The following TAFA2 variants were observed in gnomAD, a reference collection of about 807,000 sequenced individuals.
TAFA2 encodes TAFA chemokine like family member 2.
In TAFA2, 7 loss-of-function variants were observed where a neutral mutation model predicts 18.8. The observed-to-expected ratio is 0.37, with a 90% CI of 0.21 to 0.70. The LOEUF is 0.70. Among genes scored for constraint, TAFA2 ranks in the 30% least tolerant of loss-of-function variants. The probability of loss-of-function intolerance (pLI) is 0.53; values close to 1 mark genes in which losing one functional copy is unlikely to be tolerated. For synonymous variants in TAFA2, 60 were observed against 54.2 expected, an observed-to-expected ratio of 1.11 and a Z score of -0.47; for missense variants, 122 against 158.1, an observed-to-expected ratio of 0.77 and a Z score of 1.23.
intron 1 of TAFA2, among the ~76,000 whole-genome samples, chr12:61,986,888 A>G (rs576844976): frequency 4.6e-5 from 7 of 152,304 alleles, no homozygotes; most frequent in Admixed American, 3.9e-4. Context: ...TGGGGAGAAG[A>G]CAAGTAGACC....
chr12:62,041,180 T>C (rs931936625), intron 1 of TAFA2, among the ~76,000 whole-genome samples: 4 of 152,330 alleles, frequency 2.6e-5, no homozygotes, highest in Admixed American at 2.0e-4. Context: ...GATTTAACTG[T>C]TTTCTTATGT....
intron 1 of TAFA2, among the ~76,000 whole-genome samples, chr12:62,142,708 A>G (rs2062248301): frequency 6.6e-6 from 1 of 152,190 alleles, no homozygotes; most frequent in South Asian, 2.1e-4. Flanking sequence ...AGGGTATAAA[A>G]GTCTTTAATT....
intron 1 of TAFA2, among the ~76,000 whole-genome samples, chr12:62,019,472 A>G (rs1169376712): frequency 6.7e-6 from 1 of 149,942 alleles, no homozygotes; most frequent in African/African-American, 2.5e-5. Flanking sequence ...CATATACACC[A>G]TGGAATACTA....
At chr12:62,243,091 A>T (rs2062870266) in intron 1 of TAFA2, among the ~76,000 whole-genome samples, 1 of 152,234 alleles carries the variant, frequency 6.6e-6, no homozygotes, top group African/African-American at 2.4e-5. Flanking sequence ...TAGATTTTTT[A>T]AATATTAAGC....
chr12:62,062,556 G>T (rs1385328866), intron 1 of TAFA2, among the ~76,000 whole-genome samples: 1 of 152,084 alleles, frequency 6.6e-6, no homozygotes, highest in East Asian at 1.9e-4. Context: ...GTCTTGACTT[G>T]CTTGGAACGG....
At chr12:62,213,887 T>C (rs992621034) in intron 1 of TAFA2, among the ~76,000 whole-genome samples, 1 of 152,134 alleles carries the variant, frequency 6.6e-6, no homozygotes, top group Non-Finnish European at 1.5e-5. Context: ...CCCCATCCTA[T>C]AGAAACTCAT....
chr12:62,040,297 T>C (rs1191886356), intron 1 of TAFA2, among the ~76,000 whole-genome samples: 1 of 152,124 alleles, frequency 6.6e-6, no homozygotes, highest in Non-Finnish European at 1.5e-5. Flanking sequence ...CCAATTGTTA[T>C]AGGTGGAATT....
At chr12:62,201,025 T>G (rs565494569) in intron 1 of TAFA2, among the ~76,000 whole-genome samples, 4 of 152,330 alleles carry the variant, frequency 2.6e-5, no homozygotes, top group African/African-American at 9.6e-5. Context: ...AATTCATTCA[T>G]GATTTGGCTC....
At chr12:62,006,771 C>T (rs1460083268) in intron 1 of TAFA2, among the ~76,000 whole-genome samples, 1 of 152,082 alleles carries the variant, frequency 6.6e-6, no homozygotes, top group African/African-American at 2.4e-5. Flanking sequence ...ATCTTCTCCC[C>T]AACCCATTTT....
intron 2 of TAFA2, among the ~76,000 whole-genome samples, chr12:61,843,780 G>A (rs1157925149): frequency 6.6e-6 from 1 of 152,126 alleles, no homozygotes; most frequent in Non-Finnish European, 1.5e-5. Flanking sequence ...TTTCCAACAA[G>A]TTTGAACAAT....
intron 2 of TAFA2, among the ~76,000 whole-genome samples, chr12:61,777,998 G>A (rs78392446): frequency 0.025 from 3,730 of 151,744 alleles, 146 homozygotes; most frequent in African/African-American, 0.085. Context: ...ATAACTGGGA[G>A]CTCATTCTTT....
chr12:61,721,106 AG>A (rs1283138982), intron 4 of TAFA2, among the ~76,000 whole-genome samples: 1 of 152,178 alleles, frequency 6.6e-6, no homozygotes, highest in Non-Finnish European at 1.5e-5. Context: ...ATATAATCTT[AG>A]TACATCATTT....
At chr12:61,981,647 A>G (rs1368992322) in intron 1 of TAFA2, among the ~76,000 whole-genome samples, 3 of 152,240 alleles carry the variant, frequency 2.0e-5, no homozygotes, top group African/African-American at 7.2e-5. Flanking sequence ...CAGTGGGCAA[A>G]GGATGTGAAC....
intron 1 of TAFA2, among the ~76,000 whole-genome samples, chr12:62,213,513 C>T (rs1019080177): frequency 4.6e-5 from 7 of 151,852 alleles, no homozygotes; most frequent in Admixed American, 2.0e-4. Flanking sequence ...CATGGTGGCG[C>T]GTGCCTGTAG....
chr12:62,033,498 A>AACTCTC (rs140597174), intron 1 of TAFA2, among the ~76,000 whole-genome samples: 3,630 of 152,230 alleles, frequency 0.024, 142 homozygotes, highest in African/African-American at 0.082. Flanking sequence ...CACCAGTGAG[A>AACTCTC]GTTAATGCCT....
chr12:62,250,425 T>C (rs990652151), intron 1 of TAFA2, among the ~76,000 whole-genome samples: 14 of 152,204 alleles, frequency 9.2e-5, no homozygotes, highest in African/African-American at 1.4e-4. Flanking sequence ...TTTATAGTTA[T>C]GCATGTATAT....
intron 2 of TAFA2, among the ~76,000 whole-genome samples, chr12:61,824,406 G>A (rs1469646147): frequency 1.3e-5 from 2 of 152,122 alleles, no homozygotes; most frequent in African/African-American, 2.4e-5. Flanking sequence ...ATGGCAATAG[G>A]TAACTAATAT....
intron 2 of TAFA2, among the ~76,000 whole-genome samples, chr12:61,864,816 G>A (rs1482188946): frequency 6.7e-6 from 1 of 150,250 alleles, no homozygotes; most frequent in Admixed American, 6.6e-5. Flanking sequence ...ATGGTTAAGA[G>A]ATTAAATGAG....
intron 1 of TAFA2, among the ~76,000 whole-genome samples, chr12:62,257,469 A>C (rs1424828130): frequency 6.6e-6 from 1 of 152,148 alleles, no homozygotes; most frequent in East Asian, 1.9e-4. Flanking sequence ...TGAGTAAAAG[A>C]ACCTCTCTTA....
Sources: allele counts gnomAD v4.1 joint callset (sites outside exome capture counted in the v4.1 genomes callset), GRCh38; gene constraint gnomAD v4.1.1; transcripts MANE v1.5; gene names NCBI Gene and HGNC (gene_info 2026-07-23, HGNC 2026-07-21).